The following KLHL7 variants were observed in gnomAD, a reference collection of about 807,000 sequenced individuals.
KLHL7 encodes the protein kelch like family member 7.
Under a neutral mutation model 67.4 loss-of-function variants are expected in KLHL7, and 44 were observed. The ratio of observed to expected loss-of-function variants is 0.65; its 90% CI spans 0.51 to 0.84. The LOEUF (loss-of-function observed/expected upper bound fraction) is 0.84. Ranked by LOEUF, KLHL7 falls within the 40% of genes least tolerant of loss-of-function variation. KLHL7 has a pLI of 0.00. For missense variants in KLHL7, 362 were observed against 718.1 expected, an observed-to-expected ratio of 0.50 and a Z score of 5.67; for synonymous variants, 252 against 243.3, an observed-to-expected ratio of 1.04 and a Z score of -0.33.
At chr7:23,166,458 G>A (rs984762139) in intron 8 of KLHL7, among the ~76,000 whole-genome samples, 5 of 152,076 alleles carry the variant, frequency 3.3e-5, no homozygotes, top group African/African-American at 1.2e-4. Context: ...TGGATAGTGT[G>A]TTAGTGTCCA....
At chr7:23,118,810 G>A (rs1242687441) in intron 1 of KLHL7, among the ~76,000 whole-genome samples, 1 of 151,978 alleles carries the variant, frequency 6.6e-6, no homozygotes, top group African/African-American at 2.4e-5. Flanking sequence ...GGTAGCTCGT[G>A]CCTGTAATCC....
intron 10 of KLHL7, 143 bp from the exon 11 acceptor site, chr7:23,173,872 C>A: frequency 1.3e-6 from 1 of 765,114 alleles, no homozygotes; most frequent in Non-Finnish European, 2.2e-6. Flanking sequence ...TGTGGACATT[C>A]ACTGTAAAAT....
At chr7:23,169,799 A>T (rs1365192641) in intron 9 of KLHL7, among the ~76,000 whole-genome samples, 1 of 152,204 alleles carries the variant, frequency 6.6e-6, no homozygotes, top group East Asian at 1.9e-4. Context: ...ATATATATTG[A>T]GCTTAAATTT....
intron 1 of KLHL7, chr7:23,106,597 C>T: frequency 9.6e-7 from 1 of 1,037,714 alleles, no homozygotes; most frequent in Non-Finnish European, 1.2e-6. Context: ...ATAAGGATCC[C>T]CGCCCCCTCC....
At chr7:23,113,024 G>A (rs543366602) in intron 1 of KLHL7, among the ~76,000 whole-genome samples, 3 of 152,140 alleles carry the variant, frequency 2.0e-5, no homozygotes, top group South Asian at 4.2e-4. Flanking sequence ...CAGGGGTGGC[G>A]GGGCAGTTCC....
At chr7:23,145,045 C>G (rs1351496638) in intron 6 of KLHL7, among the ~76,000 whole-genome samples, 4 of 152,086 alleles carry the variant, frequency 2.6e-5, no homozygotes, top group Non-Finnish European at 4.4e-5. Context: ...TTACAGTGAG[C>G]TCTGATCCTG....
intron 1 of KLHL7, 30 bp from the exon 2 acceptor site, chr7:23,123,747 T>C: frequency 1.3e-6 from 2 of 1,512,086 alleles, no homozygotes; most frequent in South Asian, 2.3e-5. Context: ...GTGAGCCTCT[T>C]TTTATTTTAT....
chr7:23,167,703 T>C, intron 8 of KLHL7, 133 bp from the exon 9 acceptor site: 1 of 733,436 alleles, frequency 1.4e-6, no homozygotes. Context: ...CACTTTGTTG[T>C]TGTTGATTGA....
intron 10 of KLHL7, 107 bp downstream of exon 10, chr7:23,173,152 A>G: frequency 1.4e-6 from 1 of 740,046 alleles, no homozygotes; most frequent in Non-Finnish European, 2.4e-6. Flanking sequence ...TACCATGTAT[A>G]TTATTATATC....
intron 9 of KLHL7, 200 bp downstream of exon 9, chr7:23,168,237 C>T: frequency 8.5e-6 from 5 of 588,440 alleles, no homozygotes; most frequent in Non-Finnish European, 1.5e-5. Flanking sequence ...TGAACTTACA[C>T]CCCATGGGAA....
chr7:23,106,471 A>T, intron 1 of KLHL7: 1 of 1,200,052 alleles, frequency 8.3e-7, no homozygotes, highest in Non-Finnish European at 1.1e-6. Context: ...GGATCCTTCC[A>T]TTGGCGAGCC....
chr7:23,118,566 T>C (rs753601013), intron 1 of KLHL7, among the ~76,000 whole-genome samples: 2 of 152,146 alleles, frequency 1.3e-5, no homozygotes, highest in Non-Finnish European at 2.9e-5. Context: ...TGCCACACTC[T>C]TGTTCATCCT....
At chr7:23,151,958 A>G in intron 6 of KLHL7, 109 bp from the exon 7 acceptor site, 1 of 1,045,278 alleles carries the variant, frequency 9.6e-7, no homozygotes, top group Non-Finnish European at 1.5e-6. Flanking sequence ...TAGAGATATC[A>G]TAAAAGTAAG....
intron 1 of KLHL7, 146 bp from the exon 2 acceptor site, chr7:23,123,631 T>C (rs557195747): frequency 2.4e-4 from 155 of 650,292 alleles, no homozygotes; most frequent in Non-Finnish European, 2.0e-4. Context: ...TTTCTAAATA[T>C]GTCTTCAAAA....
rs377114715 is a variant in KLHL7, at chr7:23,120,250, T to C, written c.121-3527T>C. On this transcript the variant is annotated intron_variant, in intron 1 of 10. Transcript: ENST00000339077. Reference sequence around the variant, plus strand: ...ACCTTGAACTCCTGAGATCAAGCCATCTGCCCACCTCGGCCTTCCAAAGTG... The same window carrying C: ...ACCTTGAACTCCTGAGATCAAGCCACCTGCCCACCTCGGCCTTCCAAAGTG... Among the ~76,000 whole-genome samples, 49 of 152,278 alleles carry C rather than the reference T, an allele frequency of 3.2e-4. No homozygotes were observed. The East Asian group carries it at 7.0e-3, about 22-fold the overall frequency.
chr7:23,134,930 TC>T (rs1265453760), intron 4 of KLHL7, among the ~76,000 whole-genome samples: 2 of 152,202 alleles, frequency 1.3e-5, no homozygotes, highest in African/African-American at 4.8e-5. Context: ...TGTATTTTTT[TC>T]ATTTCAGTTT....
intron 6 of KLHL7, 66 bp from the exon 7 acceptor site, chr7:23,152,001 A>C: frequency 6.8e-7 from 1 of 1,477,056 alleles, no homozygotes; most frequent in Non-Finnish European, 9.5e-7. Context: ...ATGTCTGGGT[A>C]TTTCGTTTTC....
chr7:23,143,397 A>G (rs1354192942), intron 5 of KLHL7, among the ~76,000 whole-genome samples: 2 of 152,220 alleles, frequency 1.3e-5, no homozygotes, highest in Non-Finnish European at 2.9e-5. Flanking sequence ...CTATCCATTC[A>G]TAATGCAGGA....
chr7:23,146,195 C>T (rs938828108), intron 6 of KLHL7, among the ~76,000 whole-genome samples: 1 of 152,194 alleles, frequency 6.6e-6, no homozygotes, highest in Non-Finnish European at 1.5e-5. Context: ...GTTCAATTGT[C>T]GTTTGTTCGG....
Sources: allele counts gnomAD v4.1 joint callset (sites outside exome capture counted in the v4.1 genomes callset), GRCh38; gene constraint gnomAD v4.1.1; transcripts MANE v1.5; gene names NCBI Gene and HGNC (gene_info 2026-07-23, HGNC 2026-07-21).